ZNF680: variants seen among roughly 807,000 people sequenced by gnomAD.
ZNF680 encodes the protein zinc finger protein 680.
ZNF680 carries 6 observed loss-of-function variants against 12.1 expected under a neutral mutation model. That is an observed-to-expected ratio of 0.49 (90% CI 0.27 to 0.98). The LOEUF (loss-of-function observed/expected upper bound fraction) is 0.98. ZNF680 is among the 50% of genes least tolerant of loss of function. The probability of loss-of-function intolerance (pLI) is 0.12; values close to 1 mark genes in which losing one functional copy is unlikely to be tolerated. For synonymous variants in ZNF680, 170 were observed against 199.3 expected (o/e 0.85, Z 1.24); for missense variants, 561 against 616.3 (o/e 0.91, Z 0.95).
chr7:64,557,061 A>T (rs1029425606), intron 1 of ZNF680, among the ~76,000 whole-genome samples: 4 of 152,004 alleles, frequency 2.6e-5, no homozygotes, highest in Admixed American at 6.6e-5. Flanking sequence ...CCATCCTGGC[A>T]AACATGGTAA....
At chr7:64,557,675 G>A (rs1787498117) in intron 1 of ZNF680, among the ~76,000 whole-genome samples, 1 of 152,212 alleles carries the variant, frequency 6.6e-6, no homozygotes, top group Non-Finnish European at 1.5e-5. Flanking sequence ...ATCACTTGAG[G>A]TCAGGAGTTT....
intron 1 of ZNF680, among the ~76,000 whole-genome samples, chr7:64,554,736 A>C (rs1787309187): frequency 6.6e-6 from 1 of 152,172 alleles, no homozygotes; most frequent in South Asian, 2.1e-4. Context: ...CTAAGGGTTA[A>C]ATGGATTAAG....
chr7:64,517,772 G>A (rs554094061), downstream of ZNF680, among the ~76,000 whole-genome samples: 2 of 152,152 alleles, frequency 1.3e-5, no homozygotes, highest in Admixed American at 6.5e-5. Flanking sequence ...TATCAGGGAT[G>A]CAGGGATGAT....
chr7:64,531,501 G>T (rs1785877458), intron 3 of ZNF680, among the ~76,000 whole-genome samples: 1 of 150,462 alleles, frequency 6.6e-6, no homozygotes, highest in African/African-American at 2.5e-5. Flanking sequence ...GGTGGTTGAG[G>T]CAGGAGAATG....
chr7:64,553,020 G>A (rs1440161606), intron 1 of ZNF680, among the ~76,000 whole-genome samples: 1 of 151,970 alleles, frequency 6.6e-6, no homozygotes. Context: ...CAGCTACTCA[G>A]GAGGATGAGG....
the ZNF680 span, among the ~76,000 whole-genome samples, chr7:64,499,780 C>T: frequency 6.6e-6 from 1 of 152,134 alleles, no homozygotes; most frequent in African/African-American, 2.4e-5. Flanking sequence ...CCAGCTCGGG[C>T]ACAGAGGGAG....
At chr7:64,505,320 CTGTT>C in the ZNF680 span, among the ~76,000 whole-genome samples, 1 of 152,188 alleles carries the variant, frequency 6.6e-6, no homozygotes, top group Non-Finnish European at 1.5e-5. Flanking sequence ...CATAATCATA[CTGTT>C]TAAAGCTCAA....
downstream of ZNF680, among the ~76,000 whole-genome samples, chr7:64,518,048 A>G (rs1254362236): frequency 6.6e-6 from 1 of 152,102 alleles, no homozygotes; most frequent in Non-Finnish European, 1.5e-5. Flanking sequence ...TACTTTCACC[A>G]TTTTTATTTA....
the ZNF680 span, among the ~76,000 whole-genome samples, chr7:64,514,050 A>G: frequency 6.6e-6 from 1 of 152,202 alleles, no homozygotes; most frequent in Non-Finnish European, 1.5e-5. Context: ...TTAAAATTTT[A>G]TTTCAGAATA....
intron 3 of ZNF680, among the ~76,000 whole-genome samples, chr7:64,536,337 CAAG>C (rs1310147857): frequency 6.6e-6 from 1 of 152,180 alleles, no homozygotes; most frequent in African/African-American, 2.4e-5. Context: ...GCAGACTGTA[CAAG>C]AAGTGTGTGC....
intron 1 of ZNF680, among the ~76,000 whole-genome samples, chr7:64,552,454 T>C (rs1787132386): frequency 6.6e-6 from 1 of 152,230 alleles, no homozygotes; most frequent in African/African-American, 2.4e-5. Context: ...ATTATAGTTT[T>C]CTGGTGGTCA....
intron 1 of ZNF680, among the ~76,000 whole-genome samples, chr7:64,558,747 T>A (rs572874859): frequency 7.4e-4 from 113 of 151,902 alleles, no homozygotes; most frequent in Non-Finnish European, 1.2e-3. Context: ...CTATAAATCT[T>A]TAAAGATTGC....
In ZNF680 at chr7:64,521,303, T is replaced by C. The variant is rs762923432; in HGVS notation, c.1451A>G (p.His484Arg). ...ACATTTGTAGGGTTTCTCTCTAGCATGAATTCTCTTATGATTAGCAAGAGT... is the reference window on the plus strand; with the variant it reads ...ACATTTGTAGGGTTTCTCTCTAGCACGAATTCTCTTATGATTAGCAAGAGT... ...PATLANHKRI[H>R]AREKPYKCEE... Residue 484 changes from histidine to arginine, a missense_variant, in exon 4 of 4, where the codon CAT becomes CGT. Transcript: ENST00000309683. The C allele has an allele frequency of 1.2e-6, 2 of 1,613,770 alleles. No individual in the cohort carries two copies. Among genetic ancestry groups the C allele is most frequent in the South Asian group, 1.1e-5 (1 of 91,072 alleles).
intron 1 of ZNF680, among the ~76,000 whole-genome samples, chr7:64,553,772 A>G (rs1406353157): frequency 6.6e-6 from 1 of 152,126 alleles, no homozygotes; most frequent in Non-Finnish European, 1.5e-5. Context: ...TTTTTGGTGG[A>G]GACGGGGTTT....
chr7:64,516,035 G>A (rs1448973965), downstream of ZNF680, among the ~76,000 whole-genome samples: 1 of 152,116 alleles, frequency 6.6e-6, no homozygotes, highest in East Asian at 1.9e-4. Flanking sequence ...GCCAAGCTAA[G>A]TCACAAGATC....
chr7:64,540,715 A>G, intron 3 of ZNF680, among the ~76,000 whole-genome samples: 1 of 152,224 alleles, frequency 6.6e-6, no homozygotes, highest in East Asian at 1.9e-4. Context: ...TTTAAAAAGT[A>G]CACTAAATAA....
At chr7:64,561,936 A>G in intron 1 of ZNF680, among the ~76,000 whole-genome samples, 1 of 140,042 alleles carries the variant, frequency 7.1e-6, no homozygotes, top group Non-Finnish European at 1.6e-5. Flanking sequence ...CTCCGTCTCA[A>G]AAAAAAAAAA....
intron 1 of ZNF680, among the ~76,000 whole-genome samples, chr7:64,546,498 C>T (rs191772937): frequency 6.6e-6 from 1 of 152,144 alleles, no homozygotes; most frequent in Non-Finnish European, 1.5e-5. Context: ...TCCTAGCATA[C>T]CGGGAGGCCG....
intron 3 of ZNF680, among the ~76,000 whole-genome samples, chr7:64,538,297 G>A (rs1313606519): frequency 6.6e-6 from 1 of 152,180 alleles, no homozygotes; most frequent in Non-Finnish European, 1.5e-5. Context: ...CAAAATTTCT[G>A]CATATCAAAG....
Sources: gnomAD v4.1 joint callset for allele counts (sites outside exome capture counted in the v4.1 genomes callset) on GRCh38, gnomAD v4.1.1 for gene constraint, MANE v1.5 for transcripts, NCBI Gene and HGNC (gene_info 2026-07-23, HGNC 2026-07-21) for gene names.